Variants in SLC4A1AP observed in about 807,000 individuals in gnomAD.
The protein encoded by SLC4A1AP is kanadaptin.
A neutral mutation model predicts 89.7 loss-of-function variants in SLC4A1AP; 64 were observed. That is an observed-to-expected ratio of 0.71 (90% CI 0.58 to 0.88). The LOEUF is 0.88. SLC4A1AP is among the 40% of genes least tolerant of loss of function. The pLI, the probability that SLC4A1AP is intolerant of heterozygous loss-of-function variation, is 0.00. For synonymous variants in SLC4A1AP, 366 were observed against 353.3 expected, an observed-to-expected ratio of 1.04 and a Z score of -0.40; for missense variants, 931 against 965.0, an observed-to-expected ratio of 0.96 and a Z score of 0.47.
chr2:27,685,268 C>A, exon 10 of SLC4A1AP: 1 of 1,607,702 alleles, frequency 6.2e-7, no homozygotes, highest in Non-Finnish European at 8.5e-7. Context: ...TAAAGAAACC[C>A]AAACCCATGG....
At chr2:27,676,811 C>T (rs1312735430) in intron 6 of SLC4A1AP, among the ~76,000 whole-genome samples, 1 of 142,772 alleles carries the variant, frequency 7.0e-6, no homozygotes, top group Non-Finnish European at 1.5e-5. Context: ...GCCTGGGTGA[C>T]AGTGCGAGAC....
intron 8 of SLC4A1AP, 108 bp from the exon 9 acceptor site, chr2:27,682,140 G>T: frequency 1.5e-6 from 1 of 664,014 alleles, no homozygotes; most frequent in Admixed American, 3.1e-5. Context: ...TATTCATTTT[G>T]TGGTAATTTT....
intron 4 of SLC4A1AP, 33 bp from the exon 5 acceptor site, chr2:27,669,215 T>C (rs199899617): frequency 1.1e-5 from 17 of 1,576,458 alleles, no homozygotes; most frequent in Non-Finnish European, 1.4e-5. Context: ...TGGAGCTTAA[T>C]GCTGTGCTAT....
intron 12 of SLC4A1AP, among the ~76,000 whole-genome samples, chr2:27,690,962 C>A (rs780071885): frequency 1.3e-5 from 2 of 151,954 alleles, no homozygotes; most frequent in Non-Finnish European, 2.9e-5. Context: ...AGGATTTTTG[C>A]GTCTGTGTTC....
chr2:27,690,671 G>A (rs1230387522), intron 12 of SLC4A1AP, among the ~76,000 whole-genome samples: 1 of 151,938 alleles, frequency 6.6e-6, no homozygotes, highest in Admixed American at 6.6e-5. Flanking sequence ...GGGTTTTTTT[G>A]TAGAAATAAG....
At chr2:27,676,048 A>AT (rs1255556651) in intron 6 of SLC4A1AP, among the ~76,000 whole-genome samples, 1 of 152,214 alleles carries the variant, frequency 6.6e-6, no homozygotes, top group Non-Finnish European at 1.5e-5. Flanking sequence ...AGTCAAAGGA[A>AT]TTTTGAAGAA....
At chr2:27,664,349 G>A in exon 1 of SLC4A1AP, 2 of 1,614,204 alleles carry the variant, frequency 1.2e-6, no homozygotes, top group Non-Finnish European at 8.5e-7. Context: ...GCTGCGACGT[G>A]TGCCTGGAGC....
chr2:27,690,077 A>G (rs1675765428), intron 12 of SLC4A1AP, among the ~76,000 whole-genome samples: 1 of 152,198 alleles, frequency 6.6e-6, no homozygotes, highest in Non-Finnish European at 1.5e-5. Flanking sequence ...TCATTAATAG[A>G]AACTGTTCTC....
intron 12 of SLC4A1AP, among the ~76,000 whole-genome samples, chr2:27,690,892 T>G (rs1162706696): frequency 6.6e-6 from 1 of 152,210 alleles, no homozygotes; most frequent in Non-Finnish European, 1.5e-5. Context: ...CATGGTGTAT[T>G]GAATAGGGTG....
Position 27,677,966 on chromosome 2 carries a change from G to A in SLC4A1AP, c.1763+42G>A, listed in dbSNP as rs370426069. ...TTTGGAATTCTAAATAAGTATGGTA[G>A]CATAGATAACATTTTCAATTATCGC... On this transcript the variant is annotated intron_variant, in intron 8 of 13. Coordinates refer to ENST00000613058, the Ensembl canonical transcript of SLC4A1AP. 10 of 1,283,308 alleles carry A rather than the reference G, an allele frequency of 7.8e-6. No individual in the cohort carries two copies. In the African/African-American group the frequency reaches 1.1e-4, roughly 13 times the overall value. 79.5% of individuals were successfully genotyped at this position (1,283,308 alleles called of 1,614,324 possible). A position where few individuals can be genotyped will look rare whatever the true frequency, so the allele number is the denominator to read the frequency against.
chr2:27,690,243 C>T (rs376706391), intron 12 of SLC4A1AP, among the ~76,000 whole-genome samples: 2 of 152,070 alleles, frequency 1.3e-5, no homozygotes, highest in East Asian at 1.9e-4. Flanking sequence ...GATTTTAGTG[C>T]ACCTGTCACC....
In SLC4A1AP at chr2:27,667,361, AG is replaced by A. The variant is rs1260579254; in HGVS notation, c.1117del (p.Ala373LeufsTer13). ...GCCTTTTATATAAAGGATCCCAAAA[AG>A]GCTCTCCAAGGCTTTTTTGACCGAG... is the stretch of plus-strand genomic sequence containing the variant. On this transcript the variant is annotated frameshift_variant, in exon 3 of 14. Coordinates refer to ENST00000613058, the Ensembl canonical transcript of SLC4A1AP. LOFTEE classifies it high-confidence loss of function. 1 of 1,613,062 alleles carries A rather than the reference AG, an allele frequency of 6.2e-7. No homozygotes were observed. The highest frequency in any genetic ancestry group is 8.5e-7 in the Non-Finnish European group (1 of 1,179,578).
chr2:27,682,250 C>G, exon 9 of SLC4A1AP: 1 of 1,606,540 alleles, frequency 6.2e-7, no homozygotes, highest in Non-Finnish European at 8.5e-7. Flanking sequence ...CTTCCTAGGA[C>G]TGAAACTCAG....
intron 6 of SLC4A1AP, 114 bp downstream of exon 6, chr2:27,675,806 G>A: frequency 1.5e-6 from 1 of 646,076 alleles, no homozygotes; most frequent in Non-Finnish European, 2.3e-6. Flanking sequence ...ATTGAAATCT[G>A]ATACTGAAGT....
At chr2:27,679,777 C>T (rs1366348137) in intron 8 of SLC4A1AP, among the ~76,000 whole-genome samples, 1 of 152,026 alleles carries the variant, frequency 6.6e-6, no homozygotes, top group Non-Finnish European at 1.5e-5. Context: ...GGGAAGAATA[C>T]ATAGATAAGT....
intron 9 of SLC4A1AP, among the ~76,000 whole-genome samples, 178 bp from the exon 10 acceptor site, chr2:27,684,859 T>A (rs1360005700): frequency 1.3e-5 from 2 of 152,234 alleles, no homozygotes; most frequent in African/African-American, 4.8e-5. Flanking sequence ...GACACTTGTT[T>A]AGGGTCTATA....
At chr2:27,681,935 G>A (rs1431577128) in intron 8 of SLC4A1AP, among the ~76,000 whole-genome samples, 1 of 152,118 alleles carries the variant, frequency 6.6e-6, no homozygotes, top group Admixed American at 6.5e-5. Flanking sequence ...ATCTCCTGCT[G>A]CTTATATGTT....
intron 12 of SLC4A1AP, chr2:27,692,010 G>A (rs1269647710): frequency 6.6e-6 from 1 of 151,752 alleles, no homozygotes; most frequent in Non-Finnish European, 1.5e-5. Flanking sequence ...ATGAGGTCTT[G>A]CTATGTTATC....
chr2:27,679,170 A>G (rs1646335276), intron 8 of SLC4A1AP, among the ~76,000 whole-genome samples: 1 of 152,256 alleles, frequency 6.6e-6, no homozygotes, highest in African/African-American at 2.4e-5. Context: ...TATCCTGATT[A>G]CAAATGCACA....
Sources: gnomAD v4.1 joint callset for allele counts (sites outside exome capture counted in the v4.1 genomes callset) on GRCh38, gnomAD v4.1.1 for gene constraint, MANE v1.5 for transcripts, NCBI Gene and HGNC (gene_info 2026-07-23, HGNC 2026-07-21) for gene names.